RAD51B: variants seen among roughly 807,000 people sequenced by gnomAD.
RAD51B encodes RAD51 paralog B.
In RAD51B, 38 loss-of-function variants were observed where a neutral mutation model predicts 42.2. The ratio of observed to expected loss-of-function variants is 0.90; its 90% CI spans 0.70 to 1.18. The LOEUF (loss-of-function observed/expected upper bound fraction) is 1.18. RAD51B is among the 50% of genes most tolerant of loss of function. The pLI, the probability that RAD51B is intolerant of heterozygous loss-of-function variation, is 0.00. For missense variants in RAD51B, 373 were observed against 400.7 expected, an observed-to-expected ratio of 0.93 and a Z score of 0.59; for synonymous variants, 154 against 145.2, an observed-to-expected ratio of 1.06 and a Z score of -0.43.
At chr14:68,339,412 C>G (rs1454318336) in intron 8 of RAD51B, 3 of 730,366 alleles carry the variant, frequency 4.1e-6, no homozygotes, top group African/African-American at 3.5e-5. Flanking sequence ...TGTCCAATGC[C>G]AAAATTCTTA....
At chr14:68,433,392 C>T (rs1042382152) in intron 9 of RAD51B, among the ~76,000 whole-genome samples, 24 of 152,162 alleles carry the variant, frequency 1.6e-4, no homozygotes, top group Non-Finnish European at 5.9e-5. Context: ...ACCAATCAGA[C>T]GTAGATTTGG....
rs574233619 is a variant in RAD51B at position 68,092,600 on chromosome 14, T to C, written c.757-199284T>C. Among the ~76,000 whole-genome samples the C allele has an allele frequency of 2.6e-4, 39 of 152,234 alleles. 1 individual carries two copies. In the South Asian group the frequency reaches 7.5e-3, roughly 29 times the overall value. On this transcript the variant is annotated intron_variant, in intron 7 of 10. Coordinates refer to ENST00000471583, the MANE Select transcript of RAD51B (RefSeq NM_133510.4). ...CTTATCAGCTTAAGGAGATTTTGGG[T>C]TGCGACGATGGGGTTTTCTAGATAT...
intron 7 of RAD51B, among the ~76,000 whole-genome samples, chr14:67,909,933 G>T (rs2043912493): frequency 6.6e-6 from 1 of 152,144 alleles, no homozygotes; most frequent in South Asian, 2.1e-4. Context: ...TGGGATTACA[G>T]GCATGAGCCA....
At chr14:68,068,725 C>T (rs561725002) in intron 7 of RAD51B, among the ~76,000 whole-genome samples, 19 of 152,198 alleles carry the variant, frequency 1.2e-4, no homozygotes, top group Non-Finnish European at 2.6e-4. Context: ...CATTTTATAT[C>T]CTCACCAGCA....
intron 7 of RAD51B, among the ~76,000 whole-genome samples, chr14:67,895,018 G>A (rs549826674): frequency 6.6e-6 from 1 of 152,060 alleles, no homozygotes; most frequent in African/African-American, 2.4e-5. Context: ...GAAGCAGTCT[G>A]CCCACTGTGG....
chr14:67,823,377 T>C (rs2040699756), intron 1 of RAD51B, 165 bp from the exon 2 acceptor site: 1 of 552,234 alleles, frequency 1.8e-6, no homozygotes, highest in Admixed American at 3.4e-5. Context: ...AAAAAGGTTC[T>C]ATAGCATTCC....
intron 7 of RAD51B, among the ~76,000 whole-genome samples, chr14:68,056,201 C>A (rs139059871): frequency 8.4e-4 from 128 of 152,206 alleles, no homozygotes; most frequent in African/African-American, 3.0e-3. Flanking sequence ...CTTTGTCACC[C>A]AGGTTGGAGT....
intron 8 of RAD51B, among the ~76,000 whole-genome samples, chr14:68,401,095 C>T (rs17828548): frequency 0.073 from 11,144 of 152,156 alleles, 488 homozygotes; most frequent in Middle Eastern, 0.092. Flanking sequence ...CCTTGATGAT[C>T]GACACTGCAG....
intron 9 of RAD51B, among the ~76,000 whole-genome samples, chr14:68,420,764 A>G (rs2084678558): frequency 6.6e-6 from 1 of 152,188 alleles, no homozygotes; most frequent in African/African-American, 2.4e-5. Context: ...CTGACCTCCT[A>G]TCTCATGCTG....
intron 10 of RAD51B, among the ~76,000 whole-genome samples, chr14:68,645,808 G>C (rs1297276474): frequency 6.6e-6 from 1 of 152,020 alleles, no homozygotes; most frequent in Non-Finnish European, 1.5e-5. Flanking sequence ...TGGAAATTTA[G>C]GATTTTTTTC....
Position 67,823,625 on chromosome 14 carries a change from C to T in RAD51B, c.82C>T (p.Gln28Ter). The change falls in exon 2 of 11, where the codon CAG (glutamine) becomes TAG (stop). Residue 28 changes from glutamine to a stop codon, truncating the protein, a stop_gained and splice_region_variant. Coordinates refer to ENST00000471583, the MANE Select transcript of RAD51B (RefSeq NM_133510.4). LOFTEE classifies it high-confidence loss of function. ...RLSRHQILTCQDFLCLSPLEL... is the reference protein window; with the variant it reads ...RLSRHQILTC ...GAGTAGACATCAGATCCTTACCTGT[C>T]AGGTAAATTTTATTTAACATTTTTA... 6.2e-7 allele frequency: 1 copy of T among 1,609,138 alleles called. No individual in the cohort carries two copies.
At chr14:67,980,700 A>G (rs962380122) in intron 7 of RAD51B, among the ~76,000 whole-genome samples, 7 of 152,224 alleles carry the variant, frequency 4.6e-5, no homozygotes, top group African/African-American at 1.7e-4. Context: ...ATGTGAAAAA[A>G]TTATTTATAT....
intron 9 of RAD51B, among the ~76,000 whole-genome samples, chr14:68,414,983 G>A (rs1197573940): frequency 1.5e-5 from 2 of 134,896 alleles, no homozygotes; most frequent in African/African-American, 5.6e-5. Flanking sequence ...AGTGAGTAGA[G>A]AGTGTGCCAC....
intron 7 of RAD51B, among the ~76,000 whole-genome samples, chr14:68,070,080 G>GT (rs1004025487): frequency 1.3e-5 from 2 of 151,970 alleles, no homozygotes; most frequent in Admixed American, 1.3e-4. Flanking sequence ...CCATGTGTAT[G>GT]TTTTTTGAGA....
chr14:68,179,107 A>C (rs1039615398), intron 7 of RAD51B, among the ~76,000 whole-genome samples: 2 of 152,118 alleles, frequency 1.3e-5, no homozygotes, highest in African/African-American at 2.4e-5. Context: ...TTCTTCCTTC[A>C]TTAATAGTTT....
chr14:67,944,496 T>C (rs1853075310), intron 7 of RAD51B, among the ~76,000 whole-genome samples: 1 of 152,182 alleles, frequency 6.6e-6, no homozygotes, highest in Admixed American at 6.5e-5. Context: ...TCAATATGAC[T>C]ATAATGTCAT....
At chr14:68,378,282 C>T (rs2083411439) in intron 8 of RAD51B, among the ~76,000 whole-genome samples, 1 of 152,192 alleles carries the variant, frequency 6.6e-6, no homozygotes, top group African/African-American at 2.4e-5. Flanking sequence ...TGTTTTCAAT[C>T]ACTATATGTT....
chr14:68,292,086 C>T, intron 8 of RAD51B, 106 bp downstream of exon 8: 2 of 1,005,022 alleles, frequency 2.0e-6, no homozygotes, highest in Non-Finnish European at 3.1e-6. Context: ...AGGCCCTGGC[C>T]AGTGAACCCA....
intron 7 of RAD51B, among the ~76,000 whole-genome samples, chr14:67,894,910 G>C (rs1238482815): frequency 6.6e-5 from 10 of 152,130 alleles, no homozygotes; most frequent in Admixed American, 3.3e-4. Flanking sequence ...AAATATCTGG[G>C]ACTAGAGGCA....
Sources: allele counts gnomAD v4.1 joint callset (sites outside exome capture counted in the v4.1 genomes callset), GRCh38; gene constraint gnomAD v4.1.1; transcripts MANE v1.5; gene names NCBI Gene and HGNC (gene_info 2026-07-23, HGNC 2026-07-21).